The following MAPKAP1 variants were observed in gnomAD, a reference collection of about 807,000 sequenced individuals.
MAPKAP1 encodes MAPK associated protein 1, also known as target of rapamycin complex 2 subunit MAPKAP1.
In MAPKAP1, 20 loss-of-function variants were observed where a neutral mutation model predicts 65.7. That is an observed-to-expected ratio of 0.30 (90% CI 0.21 to 0.44). The LOEUF (loss-of-function observed/expected upper bound fraction) is 0.44. Ranked by LOEUF, MAPKAP1 falls within the 20% of genes least tolerant of loss-of-function variation. MAPKAP1 has a pLI of 1.00. For missense variants in MAPKAP1, 423 were observed against 648.0 expected (o/e 0.65, Z 3.77); for synonymous variants, 222 against 244.3 (o/e 0.91, Z 0.85).
intron 9 of MAPKAP1, among the ~76,000 whole-genome samples, chr9:125,483,536 A>T (rs1232267159): frequency 6.6e-6 from 1 of 152,212 alleles, no homozygotes; most frequent in East Asian, 1.9e-4. Context: ...ACGCAGGAAG[A>T]GGTGGTGTGG....
intron 5 of MAPKAP1, among the ~76,000 whole-genome samples, chr9:125,570,173 G>A (rs1202358135): frequency 1.3e-5 from 2 of 151,550 alleles, no homozygotes; most frequent in Non-Finnish European, 2.9e-5. Flanking sequence ...ATATAAGAAA[G>A]GATCTTGTAT....
rs1852766105 is a variant in MAPKAP1, at chr9:125,447,583, C to T, written c.1346-2985G>A. ...GGGCGTTTCTGCCCCGAGTTCCCCT[C>T]GCTAGCAGCCCTGTTTCGCTGGGCG... On this transcript the variant is annotated intron_variant, in intron 10 of 11. Transcript: ENST00000265960. The surrounding 1 kb of genome is among the most constrained non-coding windows in gnomAD (Gnocchi z 4.5). 1.4e-5 allele frequency: 6 copies of T among 434,200 alleles called. No individual in the cohort carries two copies. Among genetic ancestry groups the T allele is most frequent in the Admixed American group, 2.4e-5 (1 of 41,268 alleles). 26.9% of individuals were successfully genotyped at this position (434,200 alleles called of 1,614,324 possible).
rs777066746 is a variant in MAPKAP1 at position 125,438,286 on chromosome 9, C to G, written c.*601G>C. The G allele has an allele frequency of 1.0e-5, 4 of 398,190 alleles. No individual in the cohort carries two copies. Among genetic ancestry groups the G allele is most frequent in the African/African-American group, 2.1e-5 (1 of 48,596 alleles). The allele number at this position is 398,190 out of a possible 1,614,324, so 24.7% of individuals were successfully genotyped here. ...TCCTAACTTTTAGTAAGACACTACC[C>G]TCGAAGCAAATGCACTCATTTAAAC... On this transcript the variant is annotated 3_prime_UTR_variant, in exon 12 of 12. Coordinates refer to ENST00000265960, the MANE Select transcript of MAPKAP1 (RefSeq NM_001006617.3).
intron 10 of MAPKAP1, among the ~76,000 whole-genome samples, chr9:125,466,035 A>G (rs559240868): frequency 3.6e-4 from 55 of 152,324 alleles, no homozygotes; most frequent in African/African-American, 1.3e-3. Flanking sequence ...CTGCTTGCCA[A>G]TGTCTGCAAA....
At chr9:125,469,302 C>T (rs1311695145) in intron 9 of MAPKAP1, among the ~76,000 whole-genome samples, 1 of 152,010 alleles carries the variant, frequency 6.6e-6, no homozygotes, top group East Asian at 1.9e-4. Context: ...TGTGAGAAAA[C>T]TTAGTAAGCC....
chr9:125,532,675 G>A (rs992095128), intron 7 of MAPKAP1, among the ~76,000 whole-genome samples: 36 of 152,158 alleles, frequency 2.4e-4, no homozygotes, highest in African/African-American at 8.7e-4. Flanking sequence ...ATGATGCAGG[G>A]TCCACATTAA....
intron 10 of MAPKAP1, 27 bp downstream of exon 10, chr9:125,467,945 G>A (rs777365533): frequency 1.2e-6 from 2 of 1,611,218 alleles, no homozygotes; most frequent in Admixed American, 3.4e-5. Flanking sequence ...AGAGAGAAAG[G>A]AGACATAAAT....
intron 4 of MAPKAP1, among the ~76,000 whole-genome samples, chr9:125,621,078 C>T (rs751806485): frequency 1.4e-4 from 21 of 151,974 alleles, no homozygotes; most frequent in Non-Finnish European, 2.6e-4. Context: ...TTGGGACCAG[C>T]CTGGGCAATA....
chr9:125,541,095 G>T (rs1194166345), intron 7 of MAPKAP1, among the ~76,000 whole-genome samples: 1 of 152,180 alleles, frequency 6.6e-6, no homozygotes, highest in Non-Finnish European at 1.5e-5. Context: ...GGCTTCTCTT[G>T]TATGAAAAGG....
chr9:125,484,527 G>T lies in MAPKAP1; in HGVS notation c.1123C>A (p.Gln375Lys). Residue 375 changes from glutamine (Q) to lysine (K), a missense_variant, in exon 9 of 12, where the codon CAG (glutamine) becomes AAG (lysine). Physicochemically the swap from Gln to Lys is moderately conservative, Grantham distance 53. Coordinates refer to ENST00000265960, the MANE Select transcript of MAPKAP1 (RefSeq NM_001006617.3). ...EDSQIDIATV[Q>K]DMLSSHHYKS... ...TAATGGTGGCTGCTAAGCATATCCT[G>T]TACTGTGGCTATGTCAATTTGCGAA... 6.2e-7 allele frequency: 1 copy of T among 1,612,776 alleles called. No homozygotes were observed. The highest frequency in any genetic ancestry group is 8.5e-7 in the Non-Finnish European group (1 of 1,179,374).
At chr9:125,578,464 AAGATAGTTCTTATG>A (rs1419955136) in intron 5 of MAPKAP1, among the ~76,000 whole-genome samples, 3 of 152,256 alleles carry the variant, frequency 2.0e-5, no homozygotes, top group Non-Finnish European at 2.9e-5. Flanking sequence ...AGCATAAAAA[AAGATAGTTCTTATG>A]AAATGAAAAT....
chr9:125,516,486 A>C (rs1829465138), intron 7 of MAPKAP1, among the ~76,000 whole-genome samples: 1 of 152,230 alleles, frequency 6.6e-6, no homozygotes, highest in African/African-American at 2.4e-5. Context: ...TACTCTACTT[A>C]TGATTAGGGA....
intron 9 of MAPKAP1, among the ~76,000 whole-genome samples, chr9:125,472,724 C>T (rs770130447): frequency 1.3e-5 from 2 of 152,088 alleles, no homozygotes; most frequent in Non-Finnish European, 2.9e-5. Context: ...AAGATAACCA[C>T]GAAAAGTTTT....
intron 3 of MAPKAP1, 117 bp downstream of exon 3, chr9:125,669,701 A>C: frequency 2.0e-6 from 1 of 508,188 alleles, no homozygotes; most frequent in Admixed American, 3.6e-5. Context: ...CAAAGCTCAA[A>C]ACACTAGAGG....
intron 10 of MAPKAP1, among the ~76,000 whole-genome samples, chr9:125,456,800 C>T (rs1853178303): frequency 6.6e-6 from 1 of 152,144 alleles, no homozygotes; most frequent in Admixed American, 6.5e-5. Flanking sequence ...GTCTTGATTG[C>T]AGCCTTTTGA....
At chr9:125,481,469 C>A (rs901248715) in intron 9 of MAPKAP1, among the ~76,000 whole-genome samples, 1 of 152,112 alleles carries the variant, frequency 6.6e-6, no homozygotes, top group Non-Finnish European at 1.5e-5. Flanking sequence ...GTCGCCCAGG[C>A]TGGAGTGTAA....
At chr9:125,526,947 G>T (rs1829787586) in intron 7 of MAPKAP1, among the ~76,000 whole-genome samples, 2 of 151,432 alleles carry the variant, frequency 1.3e-5, no homozygotes, top group African/African-American at 4.8e-5. Context: ...CTAATTTTTT[G>T]TATTTTTAAT....
chr9:125,451,163 CTCCT>C (rs1216462648), intron 10 of MAPKAP1: 1 of 152,150 alleles, frequency 6.6e-6, no homozygotes, highest in East Asian at 1.9e-4. Context: ...TGTGATTTCC[CTCCT>C]TCCTCTCATG....
intron 4 of MAPKAP1, among the ~76,000 whole-genome samples, chr9:125,631,939 G>T (rs551420027): frequency 6.6e-6 from 1 of 152,094 alleles, no homozygotes; most frequent in Non-Finnish European, 1.5e-5. Context: ...ACCATACTAG[G>T]CCAGGCGTGG....
Sources: gnomAD v4.1 joint callset for allele counts (sites outside exome capture counted in the v4.1 genomes callset) on GRCh38, gnomAD v4.1.1 for gene constraint, Gnocchi (gnomAD v3.1) non-coding constraint, MANE v1.5 for transcripts, NCBI Gene and HGNC (gene_info 2026-07-23, HGNC 2026-07-21) for gene names.